The following SP2 variants were observed in gnomAD, a reference collection of about 807,000 sequenced individuals.
SP2 encodes the protein transcription factor Sp2.
A neutral mutation model predicts 50.1 loss-of-function variants in SP2; 9 were observed. The observed-to-expected ratio is 0.18, with a 90% CI of 0.11 to 0.31. The LOEUF (loss-of-function observed/expected upper bound fraction) is 0.31. Among genes scored for constraint, SP2 ranks in the 10% least tolerant of loss-of-function variants. The probability of loss-of-function intolerance (pLI) is 1.00; values close to 1 mark genes in which losing one functional copy is unlikely to be tolerated. For synonymous variants in SP2, 313 were observed against 326.6 expected (o/e 0.96, Z 0.45); for missense variants, 581 against 806.5 (o/e 0.72, Z 3.39).
intron 1 of SP2, among the ~76,000 whole-genome samples, chr17:47,910,516 A>G (rs1350319492): frequency 6.6e-6 from 1 of 152,248 alleles, no homozygotes; most frequent in Non-Finnish European, 1.5e-5. Context: ...TTAATTTTAT[A>G]TGAACATGAA....
chr17:47,925,305 C>A (rs1470979828), intron 5 of SP2, 43 bp from the exon 6 acceptor site: 3 of 1,566,848 alleles, frequency 1.9e-6, no homozygotes, highest in African/African-American at 2.7e-5. Flanking sequence ...GCTTTTCTCT[C>A]CTCTTCCTAT....
rs945312141 is a variant in SP2, at chr17:47,925,082, T to G, written c.1536T>G (p.Asp512Glu). 2 of 1,608,920 alleles carry G rather than the reference T, an allele frequency of 1.2e-6. No homozygotes were observed. The highest frequency in any genetic ancestry group is 8.5e-7 in the Non-Finnish European group (1 of 1,176,752). Residue 512 changes from aspartate (D) to glutamate (E), a missense_variant, in exon 5 of 7, where the codon GAT (aspartate) becomes GAG (glutamate). Transcript: ENST00000376741. The stretch of plus-strand genomic sequence containing the variant: ...CCTGCACGTGTCCCAACTGCAAGGA[T>G]GGGGAGAAGAGGTAATTCAAGGAGA... ...RMACTCPNCK[D>E]GEKRSGEQGK...
Position 47,927,866 on chromosome 17 carries a change from C to A in SP2, c.*42C>A. ...AGGCCCTGAAGATGCAGTCCCCCAC[C>A]TGTGTCCTCCCTGGGCCCCTGGTGG... On this transcript the variant is annotated 3_prime_UTR_variant, in exon 7 of 7. Transcript: ENST00000376741. 2.5e-6 allele frequency: 3 copies of A among 1,215,908 alleles called. No homozygotes were observed. Among genetic ancestry groups the A allele is most frequent in the Non-Finnish European group, 3.6e-6 (3 of 838,908 alleles). 75.3% of individuals were successfully genotyped at this position (1,215,908 alleles called of 1,614,324 possible).
intron 4 of SP2, 55 bp downstream of exon 4, chr17:47,923,329 TGGAA>T: frequency 1.4e-6 from 2 of 1,439,012 alleles, no homozygotes; most frequent in Non-Finnish European, 1.9e-6. Context: ...TCCTAGCAGG[TGGAA>T]ACTATGGGCT....
At chr17:47,918,138 A>C (rs2035290890) in intron 3 of SP2, among the ~76,000 whole-genome samples, 2 of 152,004 alleles carry the variant, frequency 1.3e-5, no homozygotes, top group African/African-American at 2.4e-5. Context: ...AATATAAAAA[A>C]CAGTTCCTGC....
rs906566175 is a variant in SP2, at chr17:47,928,260, G to A, written c.*436G>A. On this transcript the variant is annotated 3_prime_UTR_variant, in exon 7 of 7. Coordinates refer to ENST00000376741, the MANE Select transcript of SP2 (RefSeq NM_003110.6). ...CCTGGCCCTGCCGGCCACTGTGGAC[G>A]CCCTGGGGCTTGGCACCCACCTCTG... 8 of 157,340 alleles carry A rather than the reference G, an allele frequency of 5.1e-5. No homozygotes were observed. Among genetic ancestry groups the A allele is most frequent in the South Asian group, 3.8e-4 (2 of 5,278 alleles). 9.7% of individuals were successfully genotyped at this position (157,340 alleles called of 1,614,324 possible). A position where few individuals can be genotyped will look rare whatever the true frequency, so the allele number is the denominator to read the frequency against.
chr17:47,921,318 G>A (rs920894886), intron 3 of SP2, among the ~76,000 whole-genome samples: 4 of 152,070 alleles, frequency 2.6e-5, no homozygotes, highest in Non-Finnish European at 2.9e-5. Flanking sequence ...GCACAATCTC[G>A]ACTCACTGCA....
chr17:47,903,983 C>G (rs1372189456), intron 1 of SP2, among the ~76,000 whole-genome samples: 13 of 141,680 alleles, frequency 9.2e-5, no homozygotes, highest in African/African-American at 3.4e-4. Flanking sequence ...AAGAAGTAGG[C>G]CAGGTGCAGT....
chr17:47,903,893 G>A (rs183775435), intron 1 of SP2, among the ~76,000 whole-genome samples: 1 of 152,240 alleles, frequency 6.6e-6, no homozygotes, highest in Non-Finnish European at 1.5e-5. Context: ...GAACCCGGGA[G>A]ACGGAGGTTG....
At chr17:47,914,673 G>A (rs1436208923) in intron 1 of SP2, 1 of 152,338 alleles carries the variant, frequency 6.6e-6, no homozygotes, top group Non-Finnish European at 1.5e-5. Flanking sequence ...GGGCATAGCT[G>A]AGTTACAGAA....
intron 3 of SP2, among the ~76,000 whole-genome samples, chr17:47,921,037 G>A (rs1249522220): frequency 2.6e-5 from 4 of 152,048 alleles, no homozygotes; most frequent in African/African-American, 9.7e-5. Flanking sequence ...CTGGTGACTG[G>A]CTTCCTTCAC....
At chr17:47,902,669 C>T (rs1285385784) in intron 1 of SP2, among the ~76,000 whole-genome samples, 2 of 152,220 alleles carry the variant, frequency 1.3e-5, no homozygotes, top group Non-Finnish European at 2.9e-5. Flanking sequence ...AGTTACTATT[C>T]ATTCACTGCA....
At chr17:47,904,713 G>GT (rs71366805) in intron 1 of SP2, among the ~76,000 whole-genome samples, 51,178 of 151,908 alleles carry the variant, frequency 0.34, 8,808 homozygotes, top group East Asian at 0.52. Context: ...ATTGAAATTT[G>GT]TTTTACTGTT....
chr17:47,921,519 T>G (rs967060499), intron 3 of SP2, among the ~76,000 whole-genome samples: 6 of 152,268 alleles, frequency 3.9e-5, no homozygotes, highest in Admixed American at 6.5e-5. Context: ...CCCAAAGTGC[T>G]GGGATTACAG....
intron 5 of SP2, 100 bp from the exon 6 acceptor site, chr17:47,925,248 C>A: frequency 7.1e-7 from 1 of 1,417,186 alleles, no homozygotes; most frequent in Non-Finnish European, 9.7e-7. Flanking sequence ...GCTCTCTGAC[C>A]TGACCCCACA....
At chr17:47,904,831 G>A (rs897716670) in intron 1 of SP2, among the ~76,000 whole-genome samples, 6 of 152,198 alleles carry the variant, frequency 3.9e-5, no homozygotes, top group African/African-American at 1.4e-4. Flanking sequence ...GCACAGTGGT[G>A]CAATCATGGC....
chr17:47,900,953 T>C (rs1413028520), intron 1 of SP2, among the ~76,000 whole-genome samples: 2 of 152,176 alleles, frequency 1.3e-5, no homozygotes, highest in Non-Finnish European at 2.9e-5. Flanking sequence ...AACTTGATGC[T>C]GTTTCTTGGG....
Position 47,925,372 on chromosome 17 carries a change from G to A in SP2, c.1572G>A (p.Lys524=), listed in dbSNP as rs78785116. The change falls in exon 6 of 7, where the codon AAG becomes AAA. Residue 524 remains lysine (K), a synonymous_variant. Coordinates refer to ENST00000376741, the MANE Select transcript of SP2 (RefSeq NM_003110.6). ...EKRSGEQGKK[K]HVCHIPDCGK... ...GGTCTGGAGAGCAGGGCAAGAAGAA[G>A]CACGTGTGCCACATCCCCGACTGTG... is the stretch of plus-strand genomic sequence containing the variant. 4,853 of 1,613,946 alleles carry A rather than the reference G, an allele frequency of 3.0e-3. 8 individuals carry two copies. The highest frequency in any genetic ancestry group is 3.7e-3 in the Non-Finnish European group (4,372 of 1,179,922).
chr17:47,910,938 T>A (rs2034956138), intron 1 of SP2, among the ~76,000 whole-genome samples: 1 of 152,150 alleles, frequency 6.6e-6, no homozygotes, highest in African/African-American at 2.4e-5. Flanking sequence ...TTTAAAAAGA[T>A]GATTGGGCTG....
Sources: gnomAD v4.1 joint callset for allele counts (sites outside exome capture counted in the v4.1 genomes callset) on GRCh38, gnomAD v4.1.1 for gene constraint, MANE v1.5 for transcripts, NCBI Gene and HGNC (gene_info 2026-07-23, HGNC 2026-07-21) for gene names.